SLC17A1: variants seen among roughly 807,000 people sequenced by gnomAD.
SLC17A1 encodes solute carrier family 17 member 1.
In SLC17A1, 51 loss-of-function variants were observed where a neutral mutation model predicts 53.5. That is an observed-to-expected ratio of 0.95 (90% CI 0.76 to 1.20). The LOEUF (loss-of-function observed/expected upper bound fraction) is 1.20. Ranked by LOEUF, SLC17A1 falls within the 50% of genes most tolerant of loss-of-function variation. The pLI, the probability that SLC17A1 is intolerant of heterozygous loss-of-function variation, is 0.00. For missense variants in SLC17A1, 538 were observed against 568.2 expected, an observed-to-expected ratio of 0.95 and a Z score of 0.54; for synonymous variants, 179 against 198.8, an observed-to-expected ratio of 0.90 and a Z score of 0.84.
the SLC17A1 span, among the ~76,000 whole-genome samples, chr6:25,752,666 C>T: frequency 6.6e-6 from 1 of 152,154 alleles, no homozygotes; most frequent in Non-Finnish European, 1.5e-5. Context: ...AAAATATTTT[C>T]TTTAGGCCGG....
chr6:25,757,575 T>C, the SLC17A1 span, among the ~76,000 whole-genome samples: 4 of 152,120 alleles, frequency 2.6e-5, no homozygotes, highest in African/African-American at 7.2e-5. Context: ...TGCTCCAGTT[T>C]GGGCCTGGGG....
chr6:25,807,851 T>C (rs1412080154), intron 10 of SLC17A1, among the ~76,000 whole-genome samples: 1 of 152,188 alleles, frequency 6.6e-6, no homozygotes, highest in Non-Finnish European at 1.5e-5. Context: ...CCACATTTTC[T>C]TTATCTACTT....
chr6:25,800,614 C>T (rs945415179), intron 11 of SLC17A1, among the ~76,000 whole-genome samples: 5 of 152,092 alleles, frequency 3.3e-5, no homozygotes, highest in Admixed American at 3.3e-4. Context: ...GTTGATCAAT[C>T]CACATATTCA....
intron 6 of SLC17A1, among the ~76,000 whole-genome samples, chr6:25,816,888 C>T (rs1284472316): frequency 1.4e-5 from 2 of 146,748 alleles, no homozygotes; most frequent in Non-Finnish European, 3.0e-5. Context: ...ACTCTTGTTG[C>T]CTAGGCTGGA....
At chr6:25,788,018 G>A (rs1465928401) in intron 12 of SLC17A1, among the ~76,000 whole-genome samples, 1 of 152,162 alleles carries the variant, frequency 6.6e-6, no homozygotes, top group Non-Finnish European at 1.5e-5. Context: ...TTGTTACTGA[G>A]TAGTGGGAAT....
chr6:25,826,016 T>TGGAAAC (rs2151507072), intron 3 of SLC17A1, among the ~76,000 whole-genome samples: 1 of 152,232 alleles, frequency 6.6e-6, no homozygotes, highest in East Asian at 1.9e-4. Context: ...TTTACTGACA[T>TGGAAAC]TACCTATCTT....
Position 25,800,933 on chromosome 6 carries a change from C to G in SLC17A1, c.1226G>C (p.Gly409Ala), listed in dbSNP as rs1328493464. The G allele has an allele frequency of 6.2e-7, 1 of 1,610,206 alleles. No individual in the cohort carries two copies. The highest frequency in any genetic ancestry group is 8.5e-7 in the Non-Finnish European group (1 of 1,176,676). Residue 409 changes from glycine to alanine, a missense_variant, in exon 11 of 13, where the codon GGA becomes GCA. By Grantham distance (60) the Gly-to-Ala change is moderately conservative (BLOSUM62 0). Coordinates refer to ENST00000244527, the MANE Select transcript of SLC17A1 (RefSeq NM_005074.5). Reference protein sequence around the residue: ...KACSTLTGMIGGLIASTLTGL... With the variant: ...KACSTLTGMIAGLIASTLTGL... ...AGTCAAAGTGGAAGCAATTAGTCCT[C>G]CTATCATTCCAGTTAAAGTTGAACA...
intron 2 of SLC17A1, among the ~76,000 whole-genome samples, chr6:25,828,913 T>C (rs1478566371): frequency 6.6e-6 from 1 of 152,156 alleles, no homozygotes; most frequent in African/African-American, 2.4e-5. Context: ...ACTCTTTAGA[T>C]AAACTGTTAA....
At position 25,819,714 on chromosome 6, in the gene SLC17A1, C is replaced by T. The variant is rs747565012; in HGVS notation, c.409G>A (p.Val137Ile). ...GCTCCCTGAACTGCTCGACATACAACGACCCAAGCTACTCCAATTCCAGCT... is the reference window on the plus strand; with the variant it reads ...GCTCCCTGAACTGCTCGACATACAATGACCCAAGCTACTCCAATTCCAGCT... ...PAAGIGVAWV[V>I]VCRAVQGAAQ... Residue 137 changes from valine (V) to isoleucine (I), a missense_variant, in exon 4 of 13, where the codon GTT (valine) becomes ATT (isoleucine). Transcript: ENST00000244527. 17 of 1,614,058 alleles carry T rather than the reference C, an allele frequency of 1.1e-5. No homozygotes were observed. The highest frequency in any genetic ancestry group is 2.2e-5 in the South Asian group (2 of 91,088).
intron 3 of SLC17A1, among the ~76,000 whole-genome samples, chr6:25,820,299 T>G (rs2151500862): frequency 6.6e-6 from 1 of 152,310 alleles, no homozygotes; most frequent in East Asian, 1.9e-4. Context: ...GTTGTGAATT[T>G]CCTCTTCCCT....
At chr6:25,772,583 A>G in the SLC17A1 span, among the ~76,000 whole-genome samples, 2 of 152,204 alleles carry the variant, frequency 1.3e-5, no homozygotes. Flanking sequence ...AATAATGTAT[A>G]TATTAGAAAA....
At chr6:25,780,942 T>C (rs187547872), downstream of SLC17A1, 4 of 152,254 alleles carry the variant, frequency 2.6e-5, no homozygotes, top group East Asian at 7.7e-4. Context: ...GCAACACAGA[T>C]AGCAATTATA....
At chr6:25,758,944 C>T in the SLC17A1 span, among the ~76,000 whole-genome samples, 2 of 152,126 alleles carry the variant, frequency 1.3e-5, no homozygotes, top group Non-Finnish European at 2.9e-5. Context: ...ATGGTATGAA[C>T]TTTCCTCTTA....
chr6:25,724,514 AT>A, the SLC17A1 span, among the ~76,000 whole-genome samples: 2 of 152,256 alleles, frequency 1.3e-5, no homozygotes, highest in African/African-American at 2.4e-5. Flanking sequence ...CAATTTTTTA[AT>A]ATATTTTATT....
chr6:25,767,405 G>C, the SLC17A1 span, among the ~76,000 whole-genome samples: 1 of 152,074 alleles, frequency 6.6e-6, no homozygotes, highest in Non-Finnish European at 1.5e-5. Context: ...TTATTCAGTT[G>C]TTATCACAGT....
rs3799353 is a variant in SLC17A1, at chr6:25,822,440, G to A, written c.208-2525C>T. On this transcript the variant is annotated intron_variant, in intron 3 of 12. Coordinates refer to ENST00000244527, the MANE Select transcript of SLC17A1 (RefSeq NM_005074.5). The stretch of plus-strand genomic sequence containing the variant: ...TTTTGTAATGTTAGACTACAATTTA[G>A]ATCTGCTTTGTGGAATAATTTTCTG... 2.8e-4 allele frequency among the ~76,000 whole-genome samples: 43 copies of A among 152,168 alleles called. 2 individuals are homozygous for A. The East Asian group carries it at 8.3e-3, about 29-fold the overall frequency.
chr6:25,819,086 T>C lies in SLC17A1; in HGVS notation c.598A>G (p.Met200Val). Residue 200 changes from methionine (M) to valine (V), a missense_variant, in exon 6 of 13, where the codon ATG becomes GTG. Transcript: ENST00000244527. ...GACTCACCAAAAATATAGAAGACCATGGGCCAGCCCAGAGATTCACAGATA... is the reference window on the plus strand; with the variant it reads ...GACTCACCAAAAATATAGAAGACCACGGGCCAGCCCAGAGATTCACAGATA... Reference protein sequence around the residue: ...GVICESLGWPMVFYIFGACGC... With the variant: ...GVICESLGWPVVFYIFGACGC... 6.2e-7 allele frequency: 1 copy of C among 1,604,344 alleles called. No individual in the cohort carries two copies. The highest frequency in any genetic ancestry group is 2.2e-5 in the East Asian group (1 of 44,628).
rs1273928914 is a variant in SLC17A1, at chr6:25,813,152, G to A, written c.678C>T (p.Asp226=). 1 of 1,614,124 alleles carries A rather than the reference G, an allele frequency of 6.2e-7. No individual in the cohort carries two copies. Among genetic ancestry groups the A allele is most frequent in the South Asian group, 1.1e-5 (1 of 91,072 alleles). The change falls in exon 7 of 13, where the codon GAC becomes GAT. Residue 226 remains aspartate, a synonymous_variant. Coordinates refer to ENST00000244527, the MANE Select transcript of SLC17A1 (RefSeq NM_005074.5). ...TTTCACTGATGCTTATACATGGGTG[G>A]TCTTTGGGGTCATCATAAAACAGAA... The part of the protein sequence containing the change: ...WFVLFYDDPK[D]HPCISISEKE...
In SLC17A1 at chr6:25,788,314, T is replaced by TAACA. The variant is rs201619206; in HGVS notation, c.*3-5100_*3-5097dup. Among the ~76,000 whole-genome samples, 1,196 of 152,320 alleles carry TAACA rather than the reference T, an allele frequency of 7.9e-3. 18 individuals are homozygous for TAACA. Among genetic ancestry groups the TAACA allele is most frequent in the African/African-American group, 0.026 (1,089 of 41,564 alleles). ...TAAAGACAATTACAAAAAATGTTAC[T>TAACA]AACATCATATGACCAGTGAAAGACT... On this transcript the variant is annotated intron_variant, in intron 12 of 12. Coordinates refer to ENST00000244527, the MANE Select transcript of SLC17A1 (RefSeq NM_005074.5).
Sources: allele counts gnomAD v4.1 joint callset (sites outside exome capture counted in the v4.1 genomes callset), GRCh38; gene constraint gnomAD v4.1.1; transcripts MANE v1.5; gene names NCBI Gene and HGNC (gene_info 2026-07-23, HGNC 2026-07-21).